NMNAT3: variants seen among roughly 807,000 people sequenced by gnomAD.
The protein encoded by NMNAT3 is nicotinamide/nicotinic acid mononucleotide adenylyltransferase 3.
A neutral mutation model predicts 24.8 loss-of-function variants in NMNAT3; 21 were observed. The observed-to-expected ratio is 0.85, with a 90% CI of 0.60 to 1.22. The LOEUF (loss-of-function observed/expected upper bound fraction) is 1.22. NMNAT3 is among the 50% of genes most tolerant of loss of function. NMNAT3 has a pLI of 0.00. For synonymous variants in NMNAT3, 136 were observed against 155.2 expected (o/e 0.88, Z 0.92); for missense variants, 387 against 436.6 (o/e 0.89, Z 1.01).
intron 1 of NMNAT3, among the ~76,000 whole-genome samples, chr3:139,659,531 G>A (rs2057349366): frequency 6.6e-6 from 1 of 152,190 alleles, no homozygotes; most frequent in Admixed American, 6.5e-5. Flanking sequence ...TACATGGTTT[G>A]CTTTCTAAAT....
At chr3:139,613,192 C>T (rs1035715463) in intron 3 of NMNAT3, among the ~76,000 whole-genome samples, 10 of 152,108 alleles carry the variant, frequency 6.6e-5, no homozygotes, top group African/African-American at 9.7e-5. Context: ...TCAGAGTGAA[C>T]GGGCAACCTA....
intron 1 of NMNAT3, among the ~76,000 whole-genome samples, chr3:139,649,781 AAGG>A (rs1266270738): frequency 5.9e-5 from 9 of 152,146 alleles, no homozygotes; most frequent in Non-Finnish European, 1.0e-4. Context: ...TCACATACAA[AAGG>A]AGAACTCTTT....
At chr3:139,617,044 C>T (rs1419139662) in intron 3 of NMNAT3, among the ~76,000 whole-genome samples, 2 of 152,222 alleles carry the variant, frequency 1.3e-5, no homozygotes, top group African/African-American at 2.4e-5. Flanking sequence ...CTGACTCCAG[C>T]GAACTTCACC....
chr3:139,567,198 T>C (rs1309357682), intron 6 of NMNAT3: 1 of 151,450 alleles, frequency 6.6e-6, no homozygotes, highest in African/African-American at 2.4e-5. Flanking sequence ...GTGATTTTTG[T>C]ACATTGATTT....
chr3:139,668,167 G>A (rs1021284862), intron 1 of NMNAT3, among the ~76,000 whole-genome samples: 2 of 152,148 alleles, frequency 1.3e-5, no homozygotes, highest in Non-Finnish European at 2.9e-5. Flanking sequence ...GAAACAATGA[G>A]GGAAGAGAGA....
intron 3 of NMNAT3, among the ~76,000 whole-genome samples, chr3:139,597,059 C>G (rs1297190054): frequency 2.0e-5 from 3 of 150,160 alleles, no homozygotes; most frequent in South Asian, 4.2e-4. Context: ...CTTATTAGTT[C>G]TAATAGTTTT....
At chr3:139,647,719 C>A (rs1343702808) in intron 1 of NMNAT3, among the ~76,000 whole-genome samples, 1 of 152,186 alleles carries the variant, frequency 6.6e-6, no homozygotes, top group East Asian at 1.9e-4. Context: ...CAGCAAGGAA[C>A]AAATTTCTCC....
chr3:139,576,386 G>T, intron 5 of NMNAT3: 1 of 545,630 alleles, frequency 1.8e-6, no homozygotes, highest in Non-Finnish European at 2.3e-6. Context: ...CTGTAACAGT[G>T]ATTCTCAATT....
At chr3:139,646,548 A>G (rs1414670118) in intron 1 of NMNAT3, among the ~76,000 whole-genome samples, 1 of 152,124 alleles carries the variant, frequency 6.6e-6, no homozygotes, top group African/African-American at 2.4e-5. Flanking sequence ...CTCTGCAGGG[A>G]AGTATGTTCT....
chr3:139,573,391 G>C (rs565589962), intron 6 of NMNAT3, among the ~76,000 whole-genome samples: 40 of 152,292 alleles, frequency 2.6e-4, no homozygotes, highest in Non-Finnish European at 4.7e-4. Flanking sequence ...CAAATTAGCA[G>C]AGCAATTTAC....
chr3:139,575,776 G>T, intron 5 of NMNAT3: 1 of 1,156,144 alleles, frequency 8.6e-7, no homozygotes, highest in Non-Finnish European at 1.1e-6. Context: ...GACCCTGGGG[G>T]CATGTTCTTG....
intron 3 of NMNAT3, among the ~76,000 whole-genome samples, chr3:139,590,944 A>T (rs1384434671): frequency 6.6e-6 from 1 of 152,220 alleles, no homozygotes; most frequent in Non-Finnish European, 1.5e-5. Context: ...TATATAAAAA[A>T]AGAATTTACT....
intron 6 of NMNAT3, chr3:139,569,333 C>T (rs1480713545): frequency 6.6e-6 from 1 of 152,118 alleles, no homozygotes; most frequent in African/African-American, 2.4e-5. Context: ...GAGCATTTAG[C>T]CAATTTACAT....
At position 139,577,371 on chromosome 3, in the gene NMNAT3, C is replaced by T. The variant is rs145077592; in HGVS notation, c.575+1501G>A. Among the ~76,000 whole-genome samples the T allele has an allele frequency of 2.0e-3, 299 of 152,236 alleles. 2 individuals are homozygous for T. The highest frequency in any genetic ancestry group is 6.5e-3 in the African/African-American group (270 of 41,548). ...CCTACATCATCTCATTTAATTCACA[C>T]GGAATCCTAGTGAAGTGGGTGATGT... On this transcript the variant is annotated intron_variant, in intron 5 of 6. Coordinates refer to ENST00000643695, the MANE Select transcript of NMNAT3 (RefSeq NM_001320510.2).
intron 1 of NMNAT3, among the ~76,000 whole-genome samples, chr3:139,668,011 T>C (rs2057639795): frequency 6.6e-6 from 1 of 152,154 alleles, no homozygotes; most frequent in Non-Finnish European, 1.5e-5. Context: ...GAGGTATCCA[T>C]ATAAAGGTGA....
At chr3:139,669,019 T>G (rs1412285764) in intron 1 of NMNAT3, among the ~76,000 whole-genome samples, 1 of 152,234 alleles carries the variant, frequency 6.6e-6, no homozygotes, top group Non-Finnish European at 1.5e-5. Context: ...TGCTACGTGA[T>G]TTACAATTTT....
intron 3 of NMNAT3, among the ~76,000 whole-genome samples, chr3:139,615,451 C>CTATG (rs1405010561): frequency 6.7e-6 from 1 of 150,250 alleles, no homozygotes. Context: ...ATCTATCTAT[C>CTATG]TATCTATCTA....
At chr3:139,585,796 G>A (rs1247113642) in intron 3 of NMNAT3, among the ~76,000 whole-genome samples, 3 of 152,144 alleles carry the variant, frequency 2.0e-5, no homozygotes, top group Admixed American at 6.5e-5. Context: ...AAGCACTAAG[G>A]CTTCTCAGAA....
intron 6 of NMNAT3, among the ~76,000 whole-genome samples, chr3:139,572,557 C>T (rs1025939215): frequency 2.0e-5 from 3 of 152,066 alleles, no homozygotes; most frequent in African/African-American, 4.8e-5. Flanking sequence ...TTTAACAAGC[C>T]GCACAGGGGA....
Sources: gnomAD v4.1 joint callset for allele counts (sites outside exome capture counted in the v4.1 genomes callset) on GRCh38, gnomAD v4.1.1 for gene constraint, MANE v1.5 for transcripts, NCBI Gene and HGNC (gene_info 2026-07-23, HGNC 2026-07-21) for gene names.